SKIC3: variants seen among roughly 807,000 people sequenced by gnomAD.
SKIC3 encodes the protein SKI3 subunit of superkiller complex.
At chr5:95,493,781 A>G in the SKIC3 span, among the ~76,000 whole-genome samples, 1 of 151,766 alleles carries the variant, frequency 6.6e-6, no homozygotes, top group Admixed American at 6.6e-5. Flanking sequence ...AAGAGTTAAA[A>G]GGGAATACAT....
chr5:95,547,005 C>T, the SKIC3 span: 1 of 1,523,292 alleles, frequency 6.6e-7, no homozygotes, highest in Non-Finnish European at 9.1e-7. Flanking sequence ...TACAAATCAA[C>T]AATGTTTATA....
At chr5:95,539,841 C>T in the SKIC3 span, among the ~76,000 whole-genome samples, 1 of 86,314 alleles carries the variant, frequency 1.2e-5, no homozygotes, top group African/African-American at 1.0e-4. Flanking sequence ...GACACTCTGC[C>T]TCAAAAAAAA....
the SKIC3 span, among the ~76,000 whole-genome samples, chr5:95,527,639 C>T: frequency 1.3e-5 from 2 of 152,062 alleles, no homozygotes; most frequent in South Asian, 4.1e-4. Flanking sequence ...ACATTCTCTA[C>T]CATGAAGCTA....
At chr5:95,493,667 T>G in the SKIC3 span, among the ~76,000 whole-genome samples, 40 of 152,012 alleles carry the variant, frequency 2.6e-4, no homozygotes, top group Admixed American at 2.5e-3. Flanking sequence ...TTAATGAGGG[T>G]CTTTACAATT....
At chr5:95,521,338 A>G in the SKIC3 span, 1 of 155,568 alleles carries the variant, frequency 6.4e-6, no homozygotes, top group African/African-American at 2.4e-5. Flanking sequence ...TCAAGCCCTA[A>G]GTTATATGTC....
chr5:95,496,528 T>C, the SKIC3 span, among the ~76,000 whole-genome samples: 3 of 152,118 alleles, frequency 2.0e-5, no homozygotes, highest in East Asian at 3.9e-4. Context: ...GTAGCCTGCT[T>C]TGTCCAAAAA....
chr5:95,531,847 C>T, the SKIC3 span, among the ~76,000 whole-genome samples: 1 of 152,058 alleles, frequency 6.6e-6, no homozygotes, highest in African/African-American at 2.4e-5. Flanking sequence ...AAATGGTAAC[C>T]TCTGGAGAGT....
the SKIC3 span, among the ~76,000 whole-genome samples, chr5:95,514,084 C>T: frequency 2.0e-5 from 3 of 152,092 alleles, no homozygotes; most frequent in Non-Finnish European, 4.4e-5. Flanking sequence ...GCCTTTCTAG[C>T]TCTGCTTGCT....
At chr5:95,473,060 G>C in the SKIC3 span, among the ~76,000 whole-genome samples, 5 of 152,092 alleles carry the variant, frequency 3.3e-5, no homozygotes, top group Non-Finnish European at 4.4e-5. Context: ...ATAGTGCGGT[G>C]ATAAACACAT....
At chr5:95,548,229 T>C in the SKIC3 span, among the ~76,000 whole-genome samples, 1 of 152,022 alleles carries the variant, frequency 6.6e-6, no homozygotes, top group South Asian at 2.1e-4. Flanking sequence ...TAAGTATTTA[T>C]AGGCTTCAGA....
At chr5:95,480,172 C>T in the SKIC3 span, among the ~76,000 whole-genome samples, 2 of 151,552 alleles carry the variant, frequency 1.3e-5, no homozygotes, top group African/African-American at 4.9e-5. Context: ...CTTCATGAAC[C>T]TAGAGTAAGC....
chr5:95,514,448 C>T, the SKIC3 span, among the ~76,000 whole-genome samples: 13 of 152,070 alleles, frequency 8.5e-5, no homozygotes, highest in Non-Finnish European at 1.6e-4. Flanking sequence ...TTTACAGAAA[C>T]ATAATATTCA....
chr5:95,496,507 C>A, the SKIC3 span, among the ~76,000 whole-genome samples: 9 of 151,948 alleles, frequency 5.9e-5, no homozygotes, highest in Non-Finnish European at 1.3e-4. Context: ...AACTAGCAAC[C>A]CAAGCACAAA....
chr5:95,523,440 C>T, the SKIC3 span: 1 of 1,237,654 alleles, frequency 8.1e-7, no homozygotes, highest in Non-Finnish European at 1.1e-6. Flanking sequence ...TTTAAACTTA[C>T]ACTGGTATAC....
chr5:95,540,728 C>T, the SKIC3 span: 3 of 1,614,008 alleles, frequency 1.9e-6, no homozygotes, highest in Non-Finnish European at 1.7e-6. Flanking sequence ...TCTGTACTTT[C>T]AGCCAGGAAC....
the SKIC3 span, chr5:95,503,095 G>A: frequency 2.8e-6 from 4 of 1,419,990 alleles, no homozygotes; most frequent in Admixed American, 1.8e-5. Flanking sequence ...TTTTTAGAAA[G>A]GTCTAAATAC....
the SKIC3 span, chr5:95,523,263 C>T: frequency 6.2e-7 from 1 of 1,613,842 alleles, no homozygotes; most frequent in South Asian, 1.1e-5. Context: ...CTAAGCCAGG[C>T]CCATTTTGCC....
chr5:95,464,843 G>A, the SKIC3 span, among the ~76,000 whole-genome samples: 36,393 of 150,090 alleles, frequency 0.24, 5,721 homozygotes, highest in African/African-American at 0.45. Flanking sequence ...CACTTTTGCA[G>A]ATATAAATTG....
the SKIC3 span, among the ~76,000 whole-genome samples, chr5:95,501,682 G>T: frequency 6.6e-6 from 1 of 151,432 alleles, no homozygotes; most frequent in East Asian, 1.9e-4. Context: ...TAGGAGAAGG[G>T]GAAAAAAAGA....
Sources: gnomAD v4.1 joint callset for allele counts (sites outside exome capture counted in the v4.1 genomes callset) on GRCh38, gnomAD v4.1.1 for gene constraint, MANE v1.5 for transcripts, NCBI Gene and HGNC (gene_info 2026-07-23, HGNC 2026-07-21) for gene names.